The following DNAJC1 variants were observed in gnomAD, a reference collection of about 807,000 sequenced individuals.
DNAJC1 encodes the protein dnaJ homolog subfamily C member 1.
In DNAJC1, 58 loss-of-function variants were observed where a neutral mutation model predicts 76.6. That is an observed-to-expected ratio of 0.76 (90% CI 0.61 to 0.94). The LOEUF (loss-of-function observed/expected upper bound fraction) is 0.94, where lower values mean the gene tolerates loss of function less well. Among genes scored for constraint, DNAJC1 ranks in the 40% least tolerant of loss-of-function variants. The pLI, the probability that DNAJC1 is intolerant of heterozygous loss-of-function variation, is 0.00. For missense variants in DNAJC1, 689 were observed against 677.3 expected (o/e 1.02, Z -0.19); for synonymous variants, 258 against 267.9 (o/e 0.96, Z 0.36).
At chr10:21,893,101 C>A (rs1315891063) in intron 7 of DNAJC1, among the ~76,000 whole-genome samples, 3 of 152,056 alleles carry the variant, frequency 2.0e-5, no homozygotes, top group African/African-American at 7.2e-5. Flanking sequence ...GGAATATATG[C>A]CAAGATGGAT....
At position 21,893,630 on chromosome 10, in the gene DNAJC1, A is replaced by T. The variant is rs181445963; in HGVS notation, c.820+10892T>A. 1.0e-3 allele frequency among the ~76,000 whole-genome samples: 152 copies of T among 152,162 alleles called. 1 individual carries two copies. In the East Asian group the frequency reaches 0.023, roughly 23 times the overall value. On this transcript the variant is annotated intron_variant, in intron 7 of 11. Coordinates refer to ENST00000376980, the MANE Select transcript of DNAJC1 (RefSeq NM_022365.4). ...CCACAGAGTGAGACTCAGTTAAAAA[A>T]AATAATAATAAATAAAATCAAAATA...
intron 1 of DNAJC1, among the ~76,000 whole-genome samples, chr10:21,990,552 T>A (rs1190310849): frequency 1.3e-5 from 2 of 152,186 alleles, no homozygotes; most frequent in African/African-American, 4.8e-5. Context: ...AAGAATAAAA[T>A]TTCCACTGAG....
chr10:21,872,078 T>TC (rs1220283698), intron 8 of DNAJC1, among the ~76,000 whole-genome samples: 1 of 150,674 alleles, frequency 6.6e-6, no homozygotes, highest in East Asian at 1.9e-4. Flanking sequence ...ATCATCTTTT[T>TC]TTTTTTTTTT....
intron 8 of DNAJC1, among the ~76,000 whole-genome samples, chr10:21,811,031 C>T (rs78630907): frequency 6.2e-4 from 95 of 152,270 alleles, no homozygotes; most frequent in African/African-American, 2.2e-3. Flanking sequence ...ATACAATCTT[C>T]GAGGGCAAGA....
chr10:21,864,295 T>G (rs1835959593), intron 8 of DNAJC1, among the ~76,000 whole-genome samples: 1 of 151,924 alleles, frequency 6.6e-6, no homozygotes, highest in South Asian at 2.1e-4. Context: ...TAACTTTAAA[T>G]AGATCAGAAA....
At chr10:21,940,068 CAGG>C (rs1271953348) in intron 1 of DNAJC1, among the ~76,000 whole-genome samples, 3 of 151,544 alleles carry the variant, frequency 2.0e-5, no homozygotes, top group South Asian at 2.1e-4. Context: ...GTGAGTGGAT[CAGG>C]AGGATAAGGC....
At position 21,947,178 on chromosome 10, in the gene DNAJC1, T is replaced by C. The variant is rs371999356; in HGVS notation, c.223-18037A>G. On this transcript the variant is annotated intron_variant, in intron 1 of 11. Coordinates refer to ENST00000376980, the MANE Select transcript of DNAJC1 (RefSeq NM_022365.4). ...ATGTCATGTGATGTCATGTGCAAAA[T>C]GTCCTGTGCATGATGTTGAGAAACA... 1.3e-4 allele frequency among the ~76,000 whole-genome samples: 20 copies of C among 152,294 alleles called. No individual in the cohort carries two copies. In the East Asian group the frequency reaches 3.5e-3, roughly 26 times the overall value.
intron 1 of DNAJC1, among the ~76,000 whole-genome samples, chr10:21,994,863 G>GT (rs1243966142): frequency 6.6e-6 from 1 of 150,400 alleles, no homozygotes; most frequent in Non-Finnish European, 1.5e-5. Flanking sequence ...AAGAAATATT[G>GT]TATGATATAA....
At chr10:21,995,055 G>A (rs776044358) in intron 1 of DNAJC1, among the ~76,000 whole-genome samples, 11 of 151,568 alleles carry the variant, frequency 7.3e-5, no homozygotes, top group Non-Finnish European at 1.0e-4. Flanking sequence ...ATCTGTTAAC[G>A]AAAAGTGTGG....
At chr10:21,969,141 T>C (rs773831214) in intron 1 of DNAJC1, among the ~76,000 whole-genome samples, 17 of 150,702 alleles carry the variant, frequency 1.1e-4, no homozygotes, top group Non-Finnish European at 2.1e-4. Context: ...GGATAATTGC[T>C]TGAACCCGGG....
At chr10:21,934,532 T>C (rs1490159104) in intron 1 of DNAJC1, among the ~76,000 whole-genome samples, 2 of 152,280 alleles carry the variant, frequency 1.3e-5, no homozygotes, top group African/African-American at 4.8e-5. Flanking sequence ...TCCCGCAAGA[T>C]GTATTCATAG....
At position 21,901,209 on chromosome 10, in the gene DNAJC1, T is replaced by C. The variant is rs1031984616; in HGVS notation, c.820+3313A>G. On this transcript the variant is annotated intron_variant, in intron 7 of 11. Transcript: ENST00000376980. The stretch of plus-strand genomic sequence containing the variant: ...CAGTAGAGTTTTGATTATTTAATTC[T>C]GGTTTTGTTTTAAAATCATAGAAGG... Among the ~76,000 whole-genome samples the C allele has an allele frequency of 2.0e-5, 3 of 152,234 alleles. No individual in the cohort carries two copies. The East Asian group carries it at 5.8e-4, about 29-fold the overall frequency.
chr10:21,833,870 A>G (rs1231391207), intron 8 of DNAJC1, among the ~76,000 whole-genome samples: 2 of 152,208 alleles, frequency 1.3e-5, no homozygotes, highest in Admixed American at 6.5e-5. Context: ...GCATTATACA[A>G]CCAAATACAA....
chr10:21,820,890 A>G (rs1025829032), intron 8 of DNAJC1, among the ~76,000 whole-genome samples: 3 of 152,218 alleles, frequency 2.0e-5, no homozygotes, highest in Admixed American at 2.0e-4. Context: ...CAGAGCTTCC[A>G]TATCATTTCT....
At chr10:21,836,282 A>T (rs1259964019) in intron 8 of DNAJC1, among the ~76,000 whole-genome samples, 1 of 152,192 alleles carries the variant, frequency 6.6e-6, no homozygotes, top group East Asian at 1.9e-4. Context: ...ATGCTGAGAG[A>T]TTTTGTCACC....
chr10:21,841,398 T>C (rs146138110), intron 8 of DNAJC1, among the ~76,000 whole-genome samples: 5,425 of 152,028 alleles, frequency 0.036, 169 homozygotes, highest in African/African-American at 0.07. Flanking sequence ...CTCAAACAAA[T>C]TTACAAGAAA....
chr10:21,813,391 C>CT lies in DNAJC1; in HGVS notation c.979-7293dup, dbSNP rs35150177. Among the ~76,000 whole-genome samples, 79 of 132,876 alleles carry CT rather than the reference C, an allele frequency of 5.9e-4. 2 individuals carry two copies. Among genetic ancestry groups the CT allele is most frequent in the Non-Finnish European group, 9.6e-4 (60 of 62,644 alleles). The allele number at this position is 132,876 out of a possible 152,430, so 87.2% of individuals were successfully genotyped here. ...CCCTCAAGGTCAAAGGGCAAACAGT[C>CT]TTTTTTTTTTTTTTTGAGACGGAGT... On this transcript the variant is annotated intron_variant, in intron 8 of 11. Transcript: ENST00000376980.
chr10:21,950,664 T>C (rs1837579602), intron 1 of DNAJC1, among the ~76,000 whole-genome samples: 1 of 152,146 alleles, frequency 6.6e-6, no homozygotes, highest in Non-Finnish European at 1.5e-5. Context: ...CAGGCAAGTA[T>C]GAATGTAAAG....
At chr10:21,893,378 G>C (rs901606470) in intron 7 of DNAJC1, among the ~76,000 whole-genome samples, 6 of 152,120 alleles carry the variant, frequency 3.9e-5, no homozygotes, top group African/African-American at 1.4e-4. Context: ...TGTAATTCGA[G>C]CACTTTGGAA....
Sources: gnomAD v4.1 joint callset for allele counts (sites outside exome capture counted in the v4.1 genomes callset) on GRCh38, gnomAD v4.1.1 for gene constraint, MANE v1.5 for transcripts, NCBI Gene and HGNC (gene_info 2026-07-23, HGNC 2026-07-21) for gene names.